The following SLC24A2 variants were observed in gnomAD, a reference collection of about 807,000 sequenced individuals.
SLC24A2 encodes solute carrier family 24 member 2, also known as sodium/potassium/calcium exchanger 2.
Under a neutral mutation model 62.0 loss-of-function variants are expected in SLC24A2, and 36 were observed. The observed-to-expected ratio is 0.58, with a 90% CI of 0.44 to 0.77. The LOEUF (loss-of-function observed/expected upper bound fraction) is 0.77. Ranked by LOEUF, SLC24A2 falls within the 30% of genes least tolerant of loss-of-function variation. The pLI, the probability that SLC24A2 is intolerant of heterozygous loss-of-function variation, is 0.00. For synonymous variants in SLC24A2, 358 were observed against 294.0 expected, an observed-to-expected ratio of 1.22 and a Z score of -2.23; for missense variants, 846 against 817.9, an observed-to-expected ratio of 1.03 and a Z score of -0.42.
At chr9:20,300,099 T>G in the SLC24A2 span, among the ~76,000 whole-genome samples, 1 of 152,174 alleles carries the variant, frequency 6.6e-6, no homozygotes, top group East Asian at 1.9e-4. Flanking sequence ...GATGGTTGGA[T>G]AGATGGGCAG....
intron 2 of SLC24A2, among the ~76,000 whole-genome samples, chr9:19,645,067 T>A (rs965702396): frequency 1.3e-5 from 2 of 152,218 alleles, no homozygotes; most frequent in Admixed American, 6.5e-5. Flanking sequence ...ATAGCTTTTT[T>A]TAGATGCTCC....
intron 7 of SLC24A2, among the ~76,000 whole-genome samples, chr9:19,568,335 C>T (rs1835737816): frequency 6.6e-6 from 1 of 152,192 alleles, no homozygotes; most frequent in Non-Finnish European, 1.5e-5. Flanking sequence ...ATGACCAAGT[C>T]AATACCAAAT....
At chr9:19,906,706 G>A in the SLC24A2 span, among the ~76,000 whole-genome samples, 1 of 152,264 alleles carries the variant, frequency 6.6e-6, no homozygotes, top group Admixed American at 6.5e-5. Flanking sequence ...ACACCTCTAT[G>A]CAAAAAAACT....
intron 4 of SLC24A2, among the ~76,000 whole-genome samples, chr9:19,603,838 T>C (rs1237692023): frequency 6.6e-6 from 1 of 152,226 alleles, no homozygotes; most frequent in African/African-American, 2.4e-5. Flanking sequence ...TTACTACGTC[T>C]CCTAATTTAC....
chr9:20,136,687 A>G, the SLC24A2 span, among the ~76,000 whole-genome samples: 10 of 152,286 alleles, frequency 6.6e-5, no homozygotes, highest in African/African-American at 2.2e-4. Flanking sequence ...CTTAGGATTA[A>G]TGATAACTGA....
the SLC24A2 span, among the ~76,000 whole-genome samples, chr9:20,235,027 G>A: frequency 1.3e-5 from 2 of 152,218 alleles, no homozygotes; most frequent in East Asian, 3.8e-4. Flanking sequence ...AGCAGCAGTG[G>A]CTGCAGAACA....
intron 2 of SLC24A2, among the ~76,000 whole-genome samples, chr9:19,782,327 G>A (rs1823041878): frequency 6.6e-6 from 1 of 152,146 alleles, no homozygotes; most frequent in African/African-American, 2.4e-5. Context: ...ATTTTAAGAA[G>A]AGAGCCCCAA....
the SLC24A2 span, among the ~76,000 whole-genome samples, chr9:20,132,471 T>G: frequency 2.0e-5 from 3 of 152,138 alleles, no homozygotes; most frequent in Admixed American, 6.6e-5. Flanking sequence ...TGGGGTTTTT[T>G]GGGGCCATGA....
chr9:19,831,310 C>G, the SLC24A2 span, among the ~76,000 whole-genome samples: 62 of 152,244 alleles, frequency 4.1e-4, no homozygotes, highest in South Asian at 8.3e-4. Flanking sequence ...CATTCAAGAC[C>G]TTCTTGTGTT....
At chr9:20,209,570 AC>A in the SLC24A2 span, among the ~76,000 whole-genome samples, 1 of 151,772 alleles carries the variant, frequency 6.6e-6, no homozygotes, top group East Asian at 1.9e-4. Context: ...ACTCACCAAC[AC>A]CCCCAGACTG....
intron 4 of SLC24A2, among the ~76,000 whole-genome samples, chr9:19,604,911 T>A (rs1177612587): frequency 6.6e-6 from 1 of 152,242 alleles, no homozygotes; most frequent in Non-Finnish European, 1.5e-5. Context: ...ATGAATAATT[T>A]ACAGGAATAA....
At chr9:19,611,446 G>C (rs1405905125) in intron 4 of SLC24A2, among the ~76,000 whole-genome samples, 1 of 151,304 alleles carries the variant, frequency 6.6e-6, no homozygotes, top group Non-Finnish European at 1.5e-5. Context: ...GGTGAGAGAA[G>C]AGAAGAGAGG....
chr9:20,263,861 G>GCCC, the SLC24A2 span, among the ~76,000 whole-genome samples: 155 of 30,804 alleles, frequency 5.0e-3, 1 homozygote, highest in South Asian at 0.031. Context: ...TATCCCACCC[G>GCCC]CCCCCCCCCC....
At chr9:20,178,768 T>C in the SLC24A2 span, among the ~76,000 whole-genome samples, 1 of 152,154 alleles carries the variant, frequency 6.6e-6, no homozygotes, top group African/African-American at 2.4e-5. Flanking sequence ...TAGGATTCTT[T>C]TATATAAGTG....
intron 2 of SLC24A2, among the ~76,000 whole-genome samples, chr9:19,751,635 G>GGGAGTAGA (rs1158909888): frequency 1.1e-4 from 17 of 152,272 alleles, no homozygotes; most frequent in Admixed American, 1.1e-3. Context: ...TGCAGACATG[G>GGGAGTAGA]GGAGTAGAGA....
chr9:19,991,360 G>C, the SLC24A2 span, among the ~76,000 whole-genome samples: 1 of 152,168 alleles, frequency 6.6e-6, no homozygotes, highest in Non-Finnish European at 1.5e-5. Context: ...AGCCAGTCTA[G>C]TCCTTCCATG....
the SLC24A2 span, among the ~76,000 whole-genome samples, chr9:19,816,281 C>T: frequency 6.6e-6 from 1 of 151,996 alleles, no homozygotes; most frequent in Non-Finnish European, 1.5e-5. Flanking sequence ...ATCTTAGAGT[C>T]TTCTACTTCA....
At chr9:19,929,384 A>G in the SLC24A2 span, 1 of 152,178 alleles carries the variant, frequency 6.6e-6, no homozygotes, top group Admixed American at 6.5e-5. Context: ...GACTACAATG[A>G]TTTTTTAAAA....
the SLC24A2 span, among the ~76,000 whole-genome samples, chr9:20,076,358 C>T: frequency 7.9e-5 from 12 of 152,168 alleles, 1 homozygote; most frequent in South Asian, 1.0e-3. Flanking sequence ...CACCCAGTTT[C>T]TTGACTCTCC....
Sources: allele counts gnomAD v4.1 joint callset (sites outside exome capture counted in the v4.1 genomes callset), GRCh38; gene constraint gnomAD v4.1.1; transcripts MANE v1.5; gene names NCBI Gene and HGNC (gene_info 2026-07-23, HGNC 2026-07-21).